The following SMARCC1 variants were observed in gnomAD, a reference collection of about 807,000 sequenced individuals.
SMARCC1 encodes the protein SWI/SNF complex subunit SMARCC1.
SMARCC1 carries 43 observed loss-of-function variants against 147.4 expected under a neutral mutation model. The ratio of observed to expected loss-of-function variants is 0.29; its 90% CI spans 0.23 to 0.38. The LOEUF (loss-of-function observed/expected upper bound fraction) is 0.38. Among genes scored for constraint, SMARCC1 ranks in the 10% least tolerant of loss-of-function variants. The pLI, the probability that SMARCC1 is intolerant of heterozygous loss-of-function variation, is 1.00. For missense variants in SMARCC1, 1,119 were observed against 1,381.1 expected, an observed-to-expected ratio of 0.81 and a Z score of 3.01; for synonymous variants, 495 against 484.4, an observed-to-expected ratio of 1.02 and a Z score of -0.29.
chr3:47,757,940 C>T (rs954184676), intron 2 of SMARCC1, among the ~76,000 whole-genome samples: 1 of 151,954 alleles, frequency 6.6e-6, no homozygotes, highest in Non-Finnish European at 1.5e-5. Flanking sequence ...CTCTTAAGAA[C>T]ACAACCAAAA....
At chr3:47,703,173 A>G (rs2033947046) in intron 10 of SMARCC1, among the ~76,000 whole-genome samples, 1 of 152,032 alleles carries the variant, frequency 6.6e-6, no homozygotes, top group Non-Finnish European at 1.5e-5. Flanking sequence ...AGCTCAGGCA[A>G]TCTGCCCACC....
intron 8 of SMARCC1, among the ~76,000 whole-genome samples, chr3:47,713,342 TAAATAAATAA>T (rs1013210715): frequency 6.6e-6 from 1 of 150,596 alleles, no homozygotes; most frequent in African/African-American, 2.4e-5. Context: ...AATAAATAAA[TAAATAAATAA>T]ATAAATAAAA....
intron 21 of SMARCC1, among the ~76,000 whole-genome samples, chr3:47,659,726 G>T (rs1450318456): frequency 1.8e-5 from 2 of 111,884 alleles, no homozygotes; most frequent in African/African-American, 7.0e-5. Flanking sequence ...ACCTAAAACT[G>T]CTCTAAGACA....
intron 23 of SMARCC1, among the ~76,000 whole-genome samples, 173 bp from the exon 24 acceptor site, chr3:47,635,517 T>C (rs374649319): frequency 1.4e-4 from 22 of 152,218 alleles, no homozygotes; most frequent in Admixed American, 2.0e-4. Context: ...TTTGCCTCTA[T>C]TGGGGACATA....
At chr3:47,633,779 T>TACACACACACACAC (rs149363143) in intron 24 of SMARCC1, among the ~76,000 whole-genome samples, 577 of 28,776 alleles carry the variant, frequency 0.02, 37 homozygotes, top group Non-Finnish European at 0.029. Flanking sequence ...TATATATATA[T>TACACACACACACAC]ACACACACAC....
rs1412747082 is a variant in SMARCC1 at position 47,636,133 on chromosome 3, C to T, written c.2380G>A (p.Glu794Lys). Reference sequence around the variant, plus strand: ...TCCGTTTCATTTTCCACTTTATTTTCTGCCTGAAAGGGATATAAAACAAGA... The same window carrying T: ...TCCGTTTCATTTTCCACTTTATTTTTTGCCTGAAAGGGATATAAAACAAGA... ...DPDGQQPEKA[E>K]NKVENETDEG... The change falls in exon 23 of 28, where the codon GAA (glutamate) becomes AAA (lysine). Residue 794 changes from glutamate (E) to lysine (K), a missense_variant. Glu to Lys is a moderately conservative substitution (Grantham distance 56). This residue lies in a region of SMARCC1 where 157 missense variants were observed against 158.6 expected (regional missense o/e 0.99). Transcript: ENST00000254480. 6.3e-7 allele frequency: 1 copy of T among 1,577,526 alleles called. No homozygotes were observed. The highest frequency in any genetic ancestry group is 1.7e-5 in the Admixed American group (1 of 59,104).
chr3:47,658,886 G>A (rs994468508), intron 21 of SMARCC1, among the ~76,000 whole-genome samples: 13 of 152,094 alleles, frequency 8.5e-5, no homozygotes, highest in Admixed American at 3.9e-4. Context: ...TTGGCAGACC[G>A]AGGCGGGTGG....
chr3:47,747,199 C>T (rs973237112), intron 2 of SMARCC1, among the ~76,000 whole-genome samples: 17 of 151,678 alleles, frequency 1.1e-4, no homozygotes, highest in African/African-American at 3.9e-4. Flanking sequence ...TTTGGCAGGC[C>T]GAAGCGGGCA....
At chr3:47,765,257 C>G (rs1576435631) in intron 2 of SMARCC1, among the ~76,000 whole-genome samples, 1 of 145,244 alleles carries the variant, frequency 6.9e-6, no homozygotes, top group Admixed American at 6.9e-5. Flanking sequence ...GTCTCAAAAA[C>G]AAAAACATAC....
At chr3:47,693,171 T>A in intron 12 of SMARCC1, 70 bp downstream of exon 12, 1 of 907,674 alleles carries the variant, frequency 1.1e-6, no homozygotes, top group East Asian at 2.4e-5. Context: ...CTTGGAAGAA[T>A]AGACTATCAA....
intron 5 of SMARCC1, among the ~76,000 whole-genome samples, chr3:47,733,484 G>A (rs2034401084): frequency 6.6e-6 from 1 of 152,140 alleles, no homozygotes; most frequent in East Asian, 1.9e-4. Context: ...GGCCGGGCAA[G>A]GTGGCTCATG....
chr3:47,775,918 T>G (rs550312501), intron 1 of SMARCC1, among the ~76,000 whole-genome samples: 24 of 152,024 alleles, frequency 1.6e-4, no homozygotes, highest in Non-Finnish European at 2.6e-4. Context: ...GAGGGCAAGG[T>G]GGACAGATCA....
chr3:47,680,774 C>T lies in SMARCC1; in HGVS notation c.1386-266G>A, dbSNP rs375709604. 1.5e-4 allele frequency among the ~76,000 whole-genome samples: 23 copies of T among 151,920 alleles called. No individual in the cohort carries two copies. In the Middle Eastern group the frequency reaches 0.01, roughly 67 times the overall value. On this transcript the variant is annotated intron_variant, in intron 14 of 27. Coordinates refer to ENST00000254480, the MANE Select transcript of SMARCC1 (RefSeq NM_003074.4). ...GTTTTAGCTGGGATGGTCTCGATCTCCTGACCTCGTGATCCGCCCGCCTCG... is the reference window on the plus strand; with the variant it reads ...GTTTTAGCTGGGATGGTCTCGATCTTCTGACCTCGTGATCCGCCCGCCTCG...
intron 18 of SMARCC1, among the ~76,000 whole-genome samples, chr3:47,671,209 A>C: frequency 6.7e-6 from 1 of 149,646 alleles, no homozygotes; most frequent in Admixed American, 6.7e-5. Flanking sequence ...CACACACAAA[A>C]ACCAAAACCA....
intron 21 of SMARCC1, among the ~76,000 whole-genome samples, chr3:47,648,886 T>C (rs2033152641): frequency 1.3e-5 from 2 of 152,198 alleles, no homozygotes; most frequent in Admixed American, 6.5e-5. Context: ...GCAAGGGGAA[T>C]ATCTCAAATA....
At chr3:47,677,321 G>A (rs35664069) in intron 16 of SMARCC1, among the ~76,000 whole-genome samples, 40,749 of 151,180 alleles carry the variant, frequency 0.27, 6,086 homozygotes, top group South Asian at 0.43. Flanking sequence ...GACTGGTCTC[G>A]AACTCCTGAC....
At chr3:47,670,176 C>T (rs1477244680) in intron 19 of SMARCC1, among the ~76,000 whole-genome samples, 1 of 152,164 alleles carries the variant, frequency 6.6e-6, no homozygotes, top group East Asian at 1.9e-4. Flanking sequence ...CATGGAGACA[C>T]AGAAAAGGAT....
intron 6 of SMARCC1, among the ~76,000 whole-genome samples, chr3:47,726,195 A>C (rs2034298708): frequency 1.3e-5 from 2 of 151,766 alleles, no homozygotes; most frequent in Non-Finnish European, 2.9e-5. Context: ...GGAGTTCAAC[A>C]CCAGCCTAGG....
intron 2 of SMARCC1, among the ~76,000 whole-genome samples, chr3:47,760,739 C>G (rs929396756): frequency 6.6e-6 from 1 of 152,166 alleles, no homozygotes; most frequent in Admixed American, 6.6e-5. Flanking sequence ...AAGCAGCAAT[C>G]CCAGTACTTT....
Sources: gnomAD v4.1 joint callset for allele counts (sites outside exome capture counted in the v4.1 genomes callset) on GRCh38, gnomAD v4.1.1 for gene constraint, gnomAD v4.1.1 regional missense constraint, MANE v1.5 for transcripts, NCBI Gene and HGNC (gene_info 2026-07-23, HGNC 2026-07-21) for gene names.